Variants in DLG1 observed in about 807,000 individuals in gnomAD.
DLG1 encodes the protein discs large MAGUK scaffold protein 1, also known as disks large homolog 1.
In DLG1, 42 loss-of-function variants were observed where a neutral mutation model predicts 123.4. The observed-to-expected ratio is 0.34, with a 90% CI of 0.27 to 0.44. DLG1 has a LOEUF of 0.44. Among genes scored for constraint, DLG1 ranks in the 20% least tolerant of loss-of-function variants. DLG1 has a pLI of 1.00. For synonymous variants in DLG1, 317 were observed against 356.2 expected, an observed-to-expected ratio of 0.89 and a Z score of 1.24; for missense variants, 942 against 1,082.6, an observed-to-expected ratio of 0.87 and a Z score of 1.82.
At chr3:197,140,015 A>T in intron 8 of DLG1, 125 bp downstream of exon 8, 2 of 1,025,602 alleles carry the variant, frequency 2.0e-6, no homozygotes, top group Non-Finnish European at 2.8e-6. Context: ...GAATGTTGTT[A>T]AAGCATCTAC....
Position 197,180,057 on chromosome 3 carries a change from GTT to G in DLG1, c.483+14366_483+14367del, listed in dbSNP as rs1188685543. Reference sequence around the variant, plus strand: ...CTCTCAGCTTAATTTGGCATGTTGTGTTTTTTTTTTGGGGGGGGGGGGGCTTT... The same window carrying G: ...CTCTCAGCTTAATTTGGCATGTTGTGTTTTTTTTGGGGGGGGGGGGGCTTT... On this transcript the variant is annotated intron_variant, in intron 5 of 24. Transcript: ENST00000667157. 3.4e-3 allele frequency among the ~76,000 whole-genome samples: 227 copies of G among 67,532 alleles called. 3 individuals are homozygous for G. The highest frequency in any genetic ancestry group is 0.015 in the African/African-American group (214 of 14,338). 44.3% of individuals were successfully genotyped at this position (67,532 alleles called of 152,430 possible).
At chr3:197,148,312 A>G (rs1169449553) in intron 6 of DLG1, among the ~76,000 whole-genome samples, 4 of 138,718 alleles carry the variant, frequency 2.9e-5, no homozygotes, top group African/African-American at 5.2e-5. Context: ...TGGGAGGCTG[A>G]GGTGGGAGGA....
intron 5 of DLG1, among the ~76,000 whole-genome samples, chr3:197,150,464 G>T (rs1793317827): frequency 6.6e-6 from 1 of 151,990 alleles, no homozygotes. Flanking sequence ...AAATTATTAT[G>T]TATATGAAAC....
rs562521743 is a variant in DLG1, at chr3:197,184,705, A to G, written c.483+9720T>C. ...CTAGTATTTTATAAACATTCATATT[A>G]CAAGGTCATAAATTTCTAAAAATGA... is the stretch of plus-strand genomic sequence containing the variant. On this transcript the variant is annotated intron_variant, in intron 5 of 24. Transcript: ENST00000667157. Among the ~76,000 whole-genome samples the G allele has an allele frequency of 2.0e-5, 3 of 152,362 alleles. No individual in the cohort carries two copies. The South Asian group carries it at 6.2e-4, about 32-fold the overall frequency.
At chr3:197,109,770 G>C (rs981498663) in intron 13 of DLG1, among the ~76,000 whole-genome samples, 19 of 152,186 alleles carry the variant, frequency 1.2e-4, no homozygotes, top group Admixed American at 1.2e-3. Context: ...GCTGGATATA[G>C]AGTTCTAGTC....
chr3:197,172,248 C>T (rs1804587593), intron 5 of DLG1, among the ~76,000 whole-genome samples: 1 of 152,098 alleles, frequency 6.6e-6, no homozygotes, highest in African/African-American at 2.4e-5. Context: ...ATATACCTCA[C>T]TGCCAGTTGT....
intron 11 of DLG1, among the ~76,000 whole-genome samples, chr3:197,125,538 G>A (rs1778604746): frequency 6.6e-6 from 1 of 152,170 alleles, no homozygotes; most frequent in Admixed American, 6.5e-5. Flanking sequence ...ATGACTGAAG[G>A]TCAAAATGAG....
chr3:197,045,799 A>G (rs1284180172), intron 24 of DLG1, among the ~76,000 whole-genome samples: 2 of 152,222 alleles, frequency 1.3e-5, no homozygotes, highest in African/African-American at 4.8e-5. Flanking sequence ...TGCAAATTAA[A>G]TAAGTCACTT....
intron 22 of DLG1, among the ~76,000 whole-genome samples, chr3:197,060,730 G>C (rs974018874): frequency 2.6e-5 from 4 of 152,142 alleles, no homozygotes; most frequent in African/African-American, 7.2e-5. Context: ...TAATACAGAT[G>C]AGCATTTCCA....
rs1342159400 is a variant in DLG1 at position 197,273,545 on chromosome 3, T to C, written c.318+9134A>G. On this transcript the variant is annotated intron_variant, in intron 4 of 24. Coordinates refer to ENST00000667157, the MANE Select transcript of DLG1 (RefSeq NM_001366207.1). ...GAGCCACCGCACCCGGCTGAATATA[T>C]ACTTTTAACTCTACTGCCTCCTAAA... is the stretch of plus-strand genomic sequence containing the variant. Among the ~76,000 whole-genome samples the C allele has an allele frequency of 2.0e-5, 3 of 152,140 alleles. No homozygotes were observed. The East Asian group carries it at 5.8e-4, about 29-fold the overall frequency.
At chr3:197,289,675 G>C (rs1773865061) in intron 3 of DLG1, among the ~76,000 whole-genome samples, 1 of 152,172 alleles carries the variant, frequency 6.6e-6, no homozygotes, top group African/African-American at 2.4e-5. Context: ...GTGAAGGGCA[G>C]ATGACATACT....
At chr3:197,279,735 A>G (rs1768253791) in intron 4 of DLG1, among the ~76,000 whole-genome samples, 1 of 152,208 alleles carries the variant, frequency 6.6e-6, no homozygotes, top group African/African-American at 2.4e-5. Context: ...AAGTGTTACC[A>G]ATGCCATTTT....
chr3:197,245,438 A>C (rs1331407094), intron 4 of DLG1, among the ~76,000 whole-genome samples: 2 of 152,132 alleles, frequency 1.3e-5, no homozygotes, highest in Non-Finnish European at 2.9e-5. Context: ...GAGTGGCCTT[A>C]ATCTTGGGTT....
intron 5 of DLG1, among the ~76,000 whole-genome samples, chr3:197,158,312 C>T (rs1452373223): frequency 6.6e-6 from 1 of 151,926 alleles, no homozygotes; most frequent in Non-Finnish European, 1.5e-5. Flanking sequence ...TCCTTGTGCA[C>T]TTTGGTGGAA....
chr3:197,103,003 C>T (rs1441871243), intron 14 of DLG1, among the ~76,000 whole-genome samples: 1 of 152,248 alleles, frequency 6.6e-6, no homozygotes, highest in Non-Finnish European at 1.5e-5. Flanking sequence ...TCTGATCCTA[C>T]AGAGGCAGGC....
intron 4 of DLG1, among the ~76,000 whole-genome samples, chr3:197,271,453 G>C (rs1002758846): frequency 1.3e-5 from 2 of 152,036 alleles, no homozygotes; most frequent in Non-Finnish European, 2.9e-5. Flanking sequence ...CCTCACTTCT[G>C]CTCTCTAGGA....
chr3:197,137,864 T>C (rs1042124143), intron 9 of DLG1, among the ~76,000 whole-genome samples: 2 of 151,056 alleles, frequency 1.3e-5, no homozygotes, highest in East Asian at 3.9e-4. Flanking sequence ...CCAAGCTACT[T>C]GGGAGGGTGA....
chr3:197,166,072 G>A (rs560816562), intron 5 of DLG1, among the ~76,000 whole-genome samples: 16 of 152,296 alleles, frequency 1.1e-4, no homozygotes, highest in Non-Finnish European at 2.1e-4. Context: ...GCATGGTGAC[G>A]AGGGTGTCTA....
At chr3:197,154,586 A>G (rs1308522451) in intron 5 of DLG1, among the ~76,000 whole-genome samples, 1 of 151,930 alleles carries the variant, frequency 6.6e-6, no homozygotes, top group Non-Finnish European at 1.5e-5. Flanking sequence ...GAGGCAGGAG[A>G]ATGGCGTGAA....
Sources: allele counts gnomAD v4.1 joint callset (sites outside exome capture counted in the v4.1 genomes callset), GRCh38; gene constraint gnomAD v4.1.1; transcripts MANE v1.5; gene names NCBI Gene and HGNC (gene_info 2026-07-23, HGNC 2026-07-21).